Variants in DYNC2I2 observed in about 807,000 individuals in gnomAD.
DYNC2I2 encodes dynein 2 intermediate chain 2.
DYNC2I2 carries 39 observed loss-of-function variants against 52.0 expected under a neutral mutation model. That is an observed-to-expected ratio of 0.75 (90% CI 0.58 to 0.98). DYNC2I2 has a LOEUF of 0.98. Among genes scored for constraint, DYNC2I2 ranks in the 50% least tolerant of loss-of-function variants. The pLI is 0.00. For synonymous variants in DYNC2I2, 359 were observed against 321.1 expected, an observed-to-expected ratio of 1.12 and a Z score of -1.26; for missense variants, 743 against 728.4, an observed-to-expected ratio of 1.02 and a Z score of -0.23.
the DYNC2I2 span, among the ~76,000 whole-genome samples, chr9:128,668,117 T>C: frequency 1.2e-3 from 176 of 151,700 alleles, 1 homozygote; most frequent in East Asian, 1.7e-3. Context: ...TGAGCCACTA[T>C]GCCCAGCTAA....
At chr9:128,658,721 AT>A (rs746310535), upstream of DYNC2I2, among the ~76,000 whole-genome samples, 844 of 91,528 alleles carry the variant, frequency 9.2e-3, 13 homozygotes, top group African/African-American at 0.034. Context: ...ACCTGACCTA[AT>A]TTTTTTTTTT....
chr9:128,682,318 G>A, the DYNC2I2 span, among the ~76,000 whole-genome samples: 5 of 151,942 alleles, frequency 3.3e-5, no homozygotes, highest in Non-Finnish European at 7.4e-5. Context: ...AAAGTGCTGC[G>A]ATTACAGGCA....
At chr9:128,647,956 A>G (rs1411733665) in intron 1 of DYNC2I2, among the ~76,000 whole-genome samples, 2 of 152,052 alleles carry the variant, frequency 1.3e-5, no homozygotes, top group Admixed American at 6.6e-5. Flanking sequence ...AACCCAGAAC[A>G]TCAGCACTCC....
chr9:128,656,156 G>C (rs1373661456), intron 1 of DYNC2I2, among the ~76,000 whole-genome samples: 2 of 149,178 alleles, frequency 1.3e-5, no homozygotes, highest in Non-Finnish European at 3.0e-5. Context: ...GCTGCAGTGA[G>C]CCGAGATCGC....
chr9:128,682,442 T>A, the DYNC2I2 span, among the ~76,000 whole-genome samples: 1 of 152,050 alleles, frequency 6.6e-6, no homozygotes, highest in East Asian at 2.0e-4. Flanking sequence ...TTTGGGAGGC[T>A]GAGGTGGGCA....
the DYNC2I2 span, among the ~76,000 whole-genome samples, chr9:128,674,279 C>A: frequency 6.6e-6 from 1 of 151,374 alleles, no homozygotes; most frequent in Non-Finnish European, 1.5e-5. Flanking sequence ...GGACTACAGG[C>A]GCCCGCCACC....
the DYNC2I2 span, among the ~76,000 whole-genome samples, chr9:128,678,448 A>ATTTT: frequency 9.8e-4 from 60 of 61,380 alleles, 16 homozygotes; most frequent in African/African-American, 2.0e-3. Flanking sequence ...ACCACAGGTA[A>ATTTT]TTTTTTTTTT....
the DYNC2I2 span, among the ~76,000 whole-genome samples, chr9:128,679,554 C>A: frequency 6.6e-6 from 1 of 152,264 alleles, no homozygotes; most frequent in Admixed American, 6.5e-5. Flanking sequence ...GCCTATACCT[C>A]CCGGGCTCAA....
At chr9:128,673,609 C>CA in the DYNC2I2 span, among the ~76,000 whole-genome samples, 36 of 151,460 alleles carry the variant, frequency 2.4e-4, no homozygotes, top group East Asian at 7.0e-3. Context: ...GGGTTCACGC[C>CA]ATTCTCCTGC....
intron 7 of DYNC2I2, 86 bp downstream of exon 7, chr9:128,634,603 G>T: frequency 7.2e-7 from 1 of 1,387,090 alleles, no homozygotes. Context: ...AGCACTTGAA[G>T]CAGTTTGTCA....
At chr9:128,675,704 G>A in the DYNC2I2 span, among the ~76,000 whole-genome samples, 592 of 152,268 alleles carry the variant, frequency 3.9e-3, 2 homozygotes, top group African/African-American at 0.013. Flanking sequence ...GTTCCCAGAG[G>A]GAGCCTGGCC....
intron 2 of DYNC2I2, among the ~76,000 whole-genome samples, chr9:128,640,055 T>C (rs919726709): frequency 1.6e-5 from 2 of 123,534 alleles, no homozygotes; most frequent in Non-Finnish European, 3.3e-5. Context: ...TTGCCCAGGC[T>C]GGAGTGCAGT....
intron 8 of DYNC2I2, 88 bp from the exon 9 acceptor site, chr9:128,634,070 G>C: frequency 6.4e-7 from 1 of 1,560,976 alleles, no homozygotes; most frequent in Non-Finnish European, 8.8e-7. Flanking sequence ...GTTCAATCCT[G>C]TTGTGTGCAG....
chr9:128,634,351 T>G lies in DYNC2I2; in HGVS notation c.1247A>C (p.His416Pro). ...CTGCAGCATGGAGTACAGGTGGACA[T>G]GCCCGTCAGTCCCAGCGCTCAGGAA... ...NLFLSAGTDG[H>P]VHLYSMLQAP... Residue 416 changes from histidine to proline, a missense_variant, in exon 8 of 9, where the codon CAT becomes CCT. His to Pro is a moderately conservative substitution (Grantham distance 77, BLOSUM62 -2). Transcript: ENST00000372715. The G allele has an allele frequency of 6.2e-7, 1 of 1,604,564 alleles. No individual in the cohort carries two copies. Among genetic ancestry groups the G allele is most frequent in the Non-Finnish European group, 8.5e-7 (1 of 1,176,644 alleles).
At chr9:128,641,019 G>C in intron 1 of DYNC2I2, 80 bp from the exon 2 acceptor site, 1 of 1,481,508 alleles carries the variant, frequency 6.7e-7, no homozygotes. Context: ...TGCCCCTCCT[G>C]CTTGACCCCC....
intron 1 of DYNC2I2, among the ~76,000 whole-genome samples, chr9:128,643,050 A>G (rs1860547612): frequency 6.6e-6 from 1 of 152,108 alleles, no homozygotes; most frequent in Non-Finnish European, 1.5e-5. Context: ...GCCAAGTGGA[A>G]AGCTTCAGGA....
At chr9:128,635,469 A>C in intron 5 of DYNC2I2, 189 bp downstream of exon 5, 1 of 798,926 alleles carries the variant, frequency 1.3e-6, no homozygotes, top group Admixed American at 2.7e-5. Flanking sequence ...GTGCCTGCAG[A>C]GGAGGCTGGG....
chr9:128,671,281 A>G, the DYNC2I2 span, among the ~76,000 whole-genome samples: 1 of 150,706 alleles, frequency 6.6e-6, no homozygotes, highest in Non-Finnish European at 1.5e-5. Flanking sequence ...AGCCTGGGCA[A>G]TAGAGTGGGA....
chr9:128,640,839 C>T lies in DYNC2I2; in HGVS notation c.287G>A (p.Ser96Asn), dbSNP rs1466109710. Residue 96 changes from serine (S) to asparagine (N), a missense_variant, in exon 2 of 9, where the codon AGC becomes AAC. Ser to Asn is a conservative substitution (Grantham distance 46, BLOSUM62 1). Coordinates refer to ENST00000372715, the MANE Select transcript of DYNC2I2 (RefSeq NM_052844.4). The stretch of plus-strand genomic sequence containing the variant: ...GTCATACTGGGACGGGGGCTGCACG[C>T]TGACAGGCACGGGGGCCTCCGTCTG... ...QVQTEAPVPV[S>N]VQPPSQYDIP... The T allele has an allele frequency of 1.9e-5, 30 of 1,613,862 alleles. No homozygotes were observed. Among genetic ancestry groups the T allele is most frequent in the Non-Finnish European group, 2.5e-5 (29 of 1,179,970 alleles).
Sources: allele counts gnomAD v4.1 joint callset (sites outside exome capture counted in the v4.1 genomes callset), GRCh38; gene constraint gnomAD v4.1.1; transcripts MANE v1.5; gene names NCBI Gene and HGNC (gene_info 2026-07-23, HGNC 2026-07-21).